The following CTNNBL1 variants were observed in gnomAD, a reference collection of about 807,000 sequenced individuals.
CTNNBL1 encodes the protein beta-catenin-like protein 1.
CTNNBL1 carries 31 observed loss-of-function variants against 72.7 expected under a neutral mutation model. The ratio of observed to expected loss-of-function variants is 0.43; its 90% CI spans 0.32 to 0.58. CTNNBL1 has a LOEUF of 0.58. CTNNBL1 is among the 20% of genes least tolerant of loss of function. The pLI is 0.08. For missense variants in CTNNBL1, 534 were observed against 725.1 expected (o/e 0.74, Z 3.03); for synonymous variants, 240 against 267.3 (o/e 0.90, Z 1.00).
At chr20:37,840,032 C>T (rs188040214) in intron 11 of CTNNBL1, 70 bp from the exon 12 acceptor site, 66 of 1,115,100 alleles carry the variant, frequency 5.9e-5, no homozygotes, top group Admixed American at 5.1e-4. Context: ...TAGAACCAGA[C>T]GAGGCTTGAA....
intron 5 of CTNNBL1, among the ~76,000 whole-genome samples, chr20:37,764,055 A>G (rs927359191): frequency 2.6e-5 from 4 of 152,204 alleles, no homozygotes; most frequent in African/African-American, 4.8e-5. Context: ...ATAATCAGGC[A>G]TCAACAGGGT....
At chr20:37,758,535 T>C (rs1263365714) in intron 5 of CTNNBL1, among the ~76,000 whole-genome samples, 1 of 152,238 alleles carries the variant, frequency 6.6e-6, no homozygotes, top group Non-Finnish European at 1.5e-5. Context: ...CTGTTTCCAC[T>C]GCCCCAGATT....
chr20:37,814,258 A>G (rs1331375026), intron 11 of CTNNBL1, among the ~76,000 whole-genome samples: 2 of 152,190 alleles, frequency 1.3e-5, no homozygotes, highest in Non-Finnish European at 2.9e-5. Context: ...ACTAATTTAA[A>G]CTGTTTGGTG....
At chr20:37,822,726 T>G (rs1163593691) in intron 11 of CTNNBL1, among the ~76,000 whole-genome samples, 1 of 152,158 alleles carries the variant, frequency 6.6e-6, no homozygotes, top group Non-Finnish European at 1.5e-5. Context: ...TCTGAAAACT[T>G]GGGTAAGGCT....
intron 6 of CTNNBL1, among the ~76,000 whole-genome samples, chr20:37,767,015 G>C (rs1213221198): frequency 3.9e-5 from 6 of 152,110 alleles, no homozygotes; most frequent in African/African-American, 1.4e-4. Context: ...TCCCCTGCCT[G>C]GTCATCCTTT....
chr20:37,722,521 TAAAG>T lies in CTNNBL1; in HGVS notation c.31-10357_31-10354del, dbSNP rs1261000852. Among the ~76,000 whole-genome samples the T allele has an allele frequency of 3.5e-3, 490 of 139,982 alleles. 7 individuals are homozygous for T. Among genetic ancestry groups the T allele is most frequent in the African/African-American group, 0.013 (464 of 36,592 alleles). The allele number at this position is 139,982 out of a possible 152,430, so 91.8% of individuals were successfully genotyped here. On this transcript the variant is annotated intron_variant, in intron 1 of 15. Coordinates refer to ENST00000361383, the MANE Select transcript of CTNNBL1 (RefSeq NM_030877.5). ...ATAAATAAATAAATAAATAAATAAA[TAAAG>T]TCTGTTGTATATACAGGGCTTTGCA...
At chr20:37,831,304 C>CCATG (rs1398520193) in intron 11 of CTNNBL1, among the ~76,000 whole-genome samples, 2 of 152,178 alleles carry the variant, frequency 1.3e-5, no homozygotes, top group African/African-American at 4.8e-5. Context: ...TGAGTATTTT[C>CCATG]CATGCATGCC....
At chr20:37,718,594 C>T (rs1273029282) in intron 1 of CTNNBL1, among the ~76,000 whole-genome samples, 3 of 138,090 alleles carry the variant, frequency 2.2e-5, no homozygotes, top group Non-Finnish European at 4.8e-5. Flanking sequence ...GGGGGCTGAC[C>T]CCCCCCACCT....
chr20:37,865,824 A>T (rs1314654559), intron 15 of CTNNBL1, among the ~76,000 whole-genome samples: 1 of 152,248 alleles, frequency 6.6e-6, no homozygotes, highest in Non-Finnish European at 1.5e-5. Context: ...AGGATTACTG[A>T]CTCAAAACTC....
At chr20:37,742,508 C>T (rs1568759634) in intron 3 of CTNNBL1, among the ~76,000 whole-genome samples, 2 of 152,180 alleles carry the variant, frequency 1.3e-5, no homozygotes, top group Non-Finnish European at 2.9e-5. Context: ...CTGTATCTCT[C>T]CCAGCCTTTA....
intron 1 of CTNNBL1, among the ~76,000 whole-genome samples, chr20:37,723,470 G>A (rs1203191994): frequency 6.6e-6 from 1 of 152,080 alleles, no homozygotes; most frequent in Non-Finnish European, 1.5e-5. Context: ...TTTACATTTT[G>A]CAAAGACTCT....
At chr20:37,703,977 G>A (rs923884544) in intron 1 of CTNNBL1, among the ~76,000 whole-genome samples, 16 of 152,024 alleles carry the variant, frequency 1.1e-4, no homozygotes, top group African/African-American at 2.4e-4. Flanking sequence ...GGGTTTCTCC[G>A]TGTTGGTCAG....
intron 2 of CTNNBL1, among the ~76,000 whole-genome samples, chr20:37,735,674 G>A (rs1371133234): frequency 1.3e-5 from 2 of 152,114 alleles, no homozygotes; most frequent in African/African-American, 2.4e-5. Flanking sequence ...AGGAGTCATT[G>A]GTATAATCTA....
At chr20:37,800,385 C>T (rs2073813846) in intron 10 of CTNNBL1, among the ~76,000 whole-genome samples, 1 of 152,194 alleles carries the variant, frequency 6.6e-6, no homozygotes, top group East Asian at 1.9e-4. Context: ...TTCTTACTTT[C>T]TCACCTCCTT....
At chr20:37,709,841 CT>C (rs2072921816) in intron 1 of CTNNBL1, among the ~76,000 whole-genome samples, 1 of 152,232 alleles carries the variant, frequency 6.6e-6, no homozygotes, top group South Asian at 2.1e-4. Context: ...GTACTAACTT[CT>C]TGTTTCTCTG....
chr20:37,870,710 C>G (rs904639488), intron 15 of CTNNBL1, among the ~76,000 whole-genome samples: 1 of 152,192 alleles, frequency 6.6e-6, no homozygotes, highest in Admixed American at 6.5e-5. Flanking sequence ...AGTCAAATCA[C>G]GTCATTCCTT....
At chr20:37,798,907 A>G (rs1016844051) in intron 10 of CTNNBL1, among the ~76,000 whole-genome samples, 1 of 152,218 alleles carries the variant, frequency 6.6e-6, no homozygotes, top group Non-Finnish European at 1.5e-5. Context: ...AATTTTGCTC[A>G]CATGGTTATC....
chr20:37,820,758 C>A (rs2072100154), intron 11 of CTNNBL1, among the ~76,000 whole-genome samples: 1 of 152,206 alleles, frequency 6.6e-6, no homozygotes, highest in Admixed American at 6.5e-5. Context: ...GCCTCCCCAG[C>A]CAGGCAGAAC....
chr20:37,724,298 G>T (rs2073064645), intron 1 of CTNNBL1, among the ~76,000 whole-genome samples: 1 of 152,062 alleles, frequency 6.6e-6, no homozygotes, highest in Non-Finnish European at 1.5e-5. Flanking sequence ...CCTTCTTATT[G>T]AAAGTGTTTA....
Sources: gnomAD v4.1 joint callset for allele counts (sites outside exome capture counted in the v4.1 genomes callset) on GRCh38, gnomAD v4.1.1 for gene constraint, MANE v1.5 for transcripts, NCBI Gene and HGNC (gene_info 2026-07-23, HGNC 2026-07-21) for gene names.